EML6: variants seen among roughly 807,000 people sequenced by gnomAD.
EML6 encodes the protein echinoderm microtubule-associated protein-like 6.
A neutral mutation model predicts 240.1 loss-of-function variants in EML6; 154 were observed. That is an observed-to-expected ratio of 0.64 (90% CI 0.56 to 0.73). EML6 has a LOEUF of 0.73. Among genes scored for constraint, EML6 ranks in the 30% least tolerant of loss-of-function variants. The pLI, the probability that EML6 is intolerant of heterozygous loss-of-function variation, is 0.00. For synonymous variants in EML6, 1,148 were observed against 899.0 expected (o/e 1.28, Z -4.95); for missense variants, 2,964 against 2,474.6 (o/e 1.20, Z -4.20).
At chr2:54,944,226 G>A (rs114803724) in intron 28 of EML6, among the ~76,000 whole-genome samples, 2 of 152,090 alleles carry the variant, frequency 1.3e-5, no homozygotes, top group African/African-American at 2.4e-5. Context: ...GCTATCTCAC[G>A]GGTGTTCAAA....
In EML6 at chr2:54,851,621, G is replaced by A. The variant is rs139480206; in HGVS notation, c.1444+1403G>A. On this transcript the variant is annotated intron_variant, in intron 10 of 41. Coordinates refer to ENST00000356458, the MANE Select transcript of EML6 (RefSeq NM_001039753.4). ...AAAGTAGAGAAAATCTGAAACAATTGTAGAACCAACTTTCAGGTATTTGGA... is the reference window on the plus strand; with the variant it reads ...AAAGTAGAGAAAATCTGAAACAATTATAGAACCAACTTTCAGGTATTTGGA... 8.1e-3 allele frequency among the ~76,000 whole-genome samples: 1,238 copies of A among 152,322 alleles called. 11 individuals carry two copies. Among genetic ancestry groups the A allele is most frequent in the Non-Finnish European group, 0.013 (859 of 68,030 alleles).
intron 2 of EML6, among the ~76,000 whole-genome samples, chr2:54,745,229 T>A (rs1181357862): frequency 6.6e-6 from 1 of 152,156 alleles, no homozygotes; most frequent in African/African-American, 2.4e-5. Context: ...TTAGAAGTGG[T>A]TAATCTTGGG....
At chr2:54,930,898 G>A (rs937284462) in intron 28 of EML6, among the ~76,000 whole-genome samples, 2 of 150,770 alleles carry the variant, frequency 1.3e-5, no homozygotes, top group African/African-American at 4.9e-5. Flanking sequence ...GACTCCACCA[G>A]TCCTGGTCAG....
chr2:54,888,075 CAGCTTTTGTGAAAAGAA>C (rs1164230936), intron 17 of EML6, among the ~76,000 whole-genome samples: 1 of 152,200 alleles, frequency 6.6e-6, no homozygotes, highest in East Asian at 1.9e-4. Flanking sequence ...ACTATGCCAC[CAGCTTTTGTGAAAAGAA>C]AGACTTTATT....
At chr2:54,867,067 C>G in intron 14 of EML6, 183 bp downstream of exon 14, 1 of 450,778 alleles carries the variant, frequency 2.2e-6, no homozygotes, top group South Asian at 4.4e-5. Flanking sequence ...TATCCACTTC[C>G]CTCGTTGATG....
Position 54,844,171 on chromosome 2 carries a change from C to T in EML6, c.972C>T (p.Cys324=), listed in dbSNP as rs752564839. ...DKPMLILQGH[C]EGELWALALH... is the part of the protein sequence containing the mutation. ...CGATGTTGATCCTACAGGGCCACTGCGAGGGTGAGCTCTGGGCTCTGGCCC... is the reference window on the plus strand; with the variant it reads ...CGATGTTGATCCTACAGGGCCACTGTGAGGGTGAGCTCTGGGCTCTGGCCC... Residue 324 remains cysteine, a synonymous_variant, in exon 8 of 42, where the codon TGC becomes TGT. Transcript: ENST00000356458. The T allele has an allele frequency of 2.1e-5, 32 of 1,551,566 alleles. 1 individual carries two copies. Among genetic ancestry groups the T allele is most frequent in the East Asian group, 1.5e-4 (6 of 40,924 alleles).
In EML6 at chr2:54,970,519, A is replaced by G. The variant is rs1676943560; in HGVS notation, c.*424A>G. On this transcript the variant is annotated 3_prime_UTR_variant, in exon 42 of 42. Coordinates refer to ENST00000356458, the MANE Select transcript of EML6 (RefSeq NM_001039753.4). ...TACTTCAAGAATGTTCATTTTTACA[A>G]ATAAGTTGAACAAGACAGCCTAAGT... 5.8e-6 allele frequency: 1 copy of G among 172,994 alleles called. No homozygotes were observed. Among genetic ancestry groups the G allele is most frequent in the South Asian group, 1.5e-4 (1 of 6,516 alleles). 10.7% of individuals were successfully genotyped at this position (172,994 alleles called of 1,614,324 possible). A position where few individuals can be genotyped will look rare whatever the true frequency, so the allele number is the denominator to read the frequency against.
intron 34 of EML6, 49 bp from the exon 35 acceptor site, chr2:54,960,171 G>T (rs1180010141): frequency 2.2e-6 from 3 of 1,343,542 alleles, no homozygotes; most frequent in Non-Finnish European, 2.1e-6. Context: ...GGGGGTAGTG[G>T]GTCTTAGGAT....
chr2:54,812,059 T>A (rs550417880), intron 2 of EML6, among the ~76,000 whole-genome samples: 62 of 152,328 alleles, frequency 4.1e-4, no homozygotes, highest in African/African-American at 1.4e-3. Flanking sequence ...ACAGGCATGT[T>A]TATGTTGGTT....
intron 19 of EML6, 97 bp from the exon 20 acceptor site, chr2:54,894,818 C>A: frequency 2.8e-6 from 2 of 705,114 alleles, no homozygotes; most frequent in Non-Finnish European, 4.9e-6. Flanking sequence ...AGGTAGCATC[C>A]ACAAAGCTTC....
chr2:54,929,508 G>A (rs1320322243), intron 28 of EML6, among the ~76,000 whole-genome samples: 1 of 152,218 alleles, frequency 6.6e-6, no homozygotes, highest in South Asian at 2.1e-4. Context: ...TCTCAAAGAT[G>A]TTTTAATAAT....
At chr2:54,876,314 C>T (rs1019190669) in intron 16 of EML6, among the ~76,000 whole-genome samples, 9 of 152,126 alleles carry the variant, frequency 5.9e-5, no homozygotes, top group Admixed American at 2.0e-4. Flanking sequence ...AGCCCACACC[C>T]GCAGAACTCG....
chr2:54,932,606 T>C (rs1361539214), intron 28 of EML6, among the ~76,000 whole-genome samples: 6 of 152,210 alleles, frequency 3.9e-5, no homozygotes, highest in Admixed American at 1.3e-4. Context: ...AGATATTTAA[T>C]TGATACTTTA....
chr2:54,835,854 C>T (rs568364301), intron 7 of EML6, among the ~76,000 whole-genome samples: 2 of 152,270 alleles, frequency 1.3e-5, no homozygotes, highest in East Asian at 3.9e-4. Context: ...AAGAATTACC[C>T]AGCCCCAAAT....
intron 30 of EML6, among the ~76,000 whole-genome samples, chr2:54,951,492 C>T (rs1367993368): frequency 6.6e-6 from 1 of 151,814 alleles, no homozygotes; most frequent in Non-Finnish European, 1.5e-5. Flanking sequence ...TTGCAGTGAG[C>T]CAAGATCGCG....
At chr2:54,867,403 A>C (rs1671028619) in intron 14 of EML6, 1 of 152,342 alleles carries the variant, frequency 6.6e-6, no homozygotes, top group Non-Finnish European at 1.5e-5. Flanking sequence ...TTATGAATAC[A>C]TCAGTCCTTT....
At chr2:54,877,000 T>G (rs200112584) in intron 16 of EML6, among the ~76,000 whole-genome samples, 11 of 143,924 alleles carry the variant, frequency 7.6e-5, no homozygotes, top group African/African-American at 2.9e-4. Context: ...TTTTTTTTTT[T>G]GAGACAAGGT....
chr2:54,969,322 A>G (rs1676889273), intron 41 of EML6, among the ~76,000 whole-genome samples: 1 of 152,162 alleles, frequency 6.6e-6, no homozygotes, highest in African/African-American at 2.4e-5. Context: ...TCCTGAGGGG[A>G]TAAAGATGAA....
At chr2:54,835,717 T>C (rs1316783466) in intron 7 of EML6, among the ~76,000 whole-genome samples, 1 of 152,100 alleles carries the variant, frequency 6.6e-6, no homozygotes, top group Non-Finnish European at 1.5e-5. Context: ...GAGTGATTTT[T>C]TGGACATTTG....
Sources: allele counts gnomAD v4.1 joint callset (sites outside exome capture counted in the v4.1 genomes callset), GRCh38; gene constraint gnomAD v4.1.1; transcripts MANE v1.5; gene names NCBI Gene and HGNC (gene_info 2026-07-23, HGNC 2026-07-21).